IQCB1: variants seen among roughly 807,000 people sequenced by gnomAD.
IQCB1 encodes IQ calmodulin-binding motif-containing protein 1.
Under a neutral mutation model 84.4 loss-of-function variants are expected in IQCB1, and 56 were observed. The observed-to-expected ratio is 0.66, with a 90% CI of 0.54 to 0.83. The LOEUF (loss-of-function observed/expected upper bound fraction) is 0.83, where lower values mean the gene tolerates loss of function less well. Ranked by LOEUF, IQCB1 falls within the 40% of genes least tolerant of loss-of-function variation. The pLI is 0.00. For synonymous variants in IQCB1, 210 were observed against 234.8 expected, an observed-to-expected ratio of 0.89 and a Z score of 0.96; for missense variants, 629 against 682.1, an observed-to-expected ratio of 0.92 and a Z score of 0.87.
At chr3:121,819,987 T>C (rs1197999909) in intron 5 of IQCB1, among the ~76,000 whole-genome samples, 1 of 152,188 alleles carries the variant, frequency 6.6e-6, no homozygotes, top group Non-Finnish European at 1.5e-5. Flanking sequence ...ATTCTTGGTA[T>C]GTATTTAGAT....
intron 13 of IQCB1, among the ~76,000 whole-genome samples, chr3:121,773,023 G>A (rs116094962): frequency 0.01 from 1,586 of 152,224 alleles, 20 homozygotes; most frequent in African/African-American, 0.036. Flanking sequence ...AAATGGTTTC[G>A]TAAAGACACT....
chr3:121,779,089 A>T (rs566386866), intron 13 of IQCB1, among the ~76,000 whole-genome samples: 36 of 151,394 alleles, frequency 2.4e-4, no homozygotes, highest in African/African-American at 5.6e-4. Flanking sequence ...ATATATAAAA[A>T]TTTTTTTTTG....
chr3:121,783,911 T>C (rs1948604972), intron 12 of IQCB1, among the ~76,000 whole-genome samples: 1 of 152,226 alleles, frequency 6.6e-6, no homozygotes, highest in Non-Finnish European at 1.5e-5. Flanking sequence ...TCATTTTCCT[T>C]CAAATATGTG....
intron 7 of IQCB1, among the ~76,000 whole-genome samples, chr3:121,803,004 A>C (rs796275744): frequency 5.9e-5 from 9 of 152,300 alleles, no homozygotes; most frequent in African/African-American, 2.2e-4. Context: ...TTCCAACTTA[A>C]TTCCATCGAG....
In IQCB1 at chr3:121,809,158, T is replaced by C. The variant is rs1949726631; in HGVS notation, c.394-149A>G. The C allele has an allele frequency of 9.9e-6, 6 of 604,668 alleles. No individual in the cohort carries two copies. In the South Asian group the frequency reaches 1.2e-4, roughly 12 times the overall value. The allele number at this position is 604,668 out of a possible 1,614,324, so 37.5% of individuals were successfully genotyped here. ...AGGGACATGATTTTGTTGCCTTTAG[T>C]TTCTTAATTTGTAAAACTTGTGGTT... On this transcript the variant is annotated intron_variant, in intron 5 of 14. Transcript: ENST00000310864.
chr3:121,828,406 A>G, intron 4 of IQCB1, 64 bp downstream of exon 4: 2 of 1,411,386 alleles, frequency 1.4e-6, no homozygotes, highest in Non-Finnish European at 2.0e-6. Flanking sequence ...TAAAAAGCAA[A>G]TGTTGAAAAT....
intron 5 of IQCB1, among the ~76,000 whole-genome samples, chr3:121,818,208 G>A (rs1403990309): frequency 1.3e-5 from 2 of 152,170 alleles, no homozygotes; most frequent in Non-Finnish European, 2.9e-5. Context: ...AGGTAAAGGA[G>A]TTTCAGCCTT....
intron 13 of IQCB1, among the ~76,000 whole-genome samples, chr3:121,776,427 T>C (rs1466022814): frequency 3.3e-5 from 5 of 152,236 alleles, no homozygotes; most frequent in Non-Finnish European, 7.3e-5. Context: ...AAGAAACTGT[T>C]GAACTGTCTT....
At chr3:121,789,960 A>C in intron 11 of IQCB1, 113 bp downstream of exon 11, 2 of 895,990 alleles carry the variant, frequency 2.2e-6, no homozygotes, top group Admixed American at 1.9e-5. Context: ...AAAAACAGAG[A>C]AAAAGGACAA....
intron 14 of IQCB1, among the ~76,000 whole-genome samples, chr3:121,771,057 C>T (rs138230609): frequency 2.0e-5 from 3 of 152,250 alleles, no homozygotes; most frequent in East Asian, 1.9e-4. Context: ...CTGCAACCTC[C>T]GCCTCCTGGG....
chr3:121,807,322 C>T (rs1222183646), intron 7 of IQCB1, 22 bp downstream of exon 7: 2 of 1,190,400 alleles, frequency 1.7e-6, no homozygotes, highest in Non-Finnish European at 2.5e-6. Flanking sequence ...AAAGCAGTAA[C>T]ATTTTGTAAA....
intron 5 of IQCB1, among the ~76,000 whole-genome samples, chr3:121,815,791 T>A (rs1005919292): frequency 6.6e-6 from 1 of 151,926 alleles, no homozygotes. Context: ...ATTCCATGCT[T>A]ATGGATAGAA....
chr3:121,794,932 T>A (rs1949119262), intron 10 of IQCB1, among the ~76,000 whole-genome samples: 1 of 152,142 alleles, frequency 6.6e-6, no homozygotes, highest in Non-Finnish European at 1.5e-5. Context: ...TTTTTCTTGT[T>A]CTGTGACCTT....
intron 4 of IQCB1, 21 bp downstream of exon 4, chr3:121,828,449 T>G (rs1950527080): frequency 6.2e-7 from 1 of 1,602,332 alleles, no homozygotes; most frequent in Non-Finnish European, 8.6e-7. Flanking sequence ...CAAGAACAGC[T>G]GACTTACTGC....
intron 9 of IQCB1, among the ~76,000 whole-genome samples, chr3:121,796,891 G>A (rs1385834212): frequency 6.6e-6 from 1 of 151,972 alleles, no homozygotes; most frequent in African/African-American, 2.4e-5. Flanking sequence ...TGACCAGGCT[G>A]GGGTGCAGTG....
At position 121,772,265 on chromosome 3, in the gene IQCB1, G is replaced by C. The variant is rs9681209; in HGVS notation, c.1567+292C>G. Among the ~76,000 whole-genome samples, 41,851 of 152,060 alleles carry C rather than the reference G, an allele frequency of 0.28. 6,289 individuals are homozygous for C. Among genetic ancestry groups the C allele is most frequent in the Admixed American group, 0.44 (6,657 of 15,272 alleles). On this transcript the variant is annotated intron_variant, in intron 14 of 14. Coordinates refer to ENST00000310864, the MANE Select transcript of IQCB1 (RefSeq NM_001023570.4). ...ATCTACTTACAAAATATGACCAAAA[G>C]CTTTTCAGATTACTTAGTAAAAGAT...
chr3:121,770,554 C>A lies in IQCB1; in HGVS notation c.1588G>T (p.Ala530Ser). The A allele has an allele frequency of 1.2e-6, 2 of 1,613,668 alleles. No homozygotes were observed. Among genetic ancestry groups the A allele is most frequent in the Non-Finnish European group, 1.7e-6 (2 of 1,179,942 alleles). ...QLMKAPSLKE[A>S]EGKEPELFLS... ...AAGAGCTCAGGTTCTTTCCCTTCTG[C>A]CTCCTTCAGACTTGGTGCCTCTGTA... The change falls in exon 15 of 15, where the codon GCA becomes TCA. Residue 530 changes from alanine (A) to serine (S), a missense_variant. Transcript: ENST00000310864.
intron 2 of IQCB1, among the ~76,000 whole-genome samples, chr3:121,831,177 G>GT (rs1553723592): frequency 1.7e-5 from 1 of 59,864 alleles, no homozygotes; most frequent in African/African-American, 7.6e-5. Context: ...TTGTATCCTA[G>GT]TATTTTTTTT....
intron 6 of IQCB1, among the ~76,000 whole-genome samples, chr3:121,807,890 C>T (rs1400085902): frequency 6.6e-6 from 1 of 151,868 alleles, no homozygotes; most frequent in African/African-American, 2.4e-5. Context: ...AATGAATACG[C>T]TAACTACAAA....
Sources: allele counts gnomAD v4.1 joint callset (sites outside exome capture counted in the v4.1 genomes callset), GRCh38; gene constraint gnomAD v4.1.1; transcripts MANE v1.5; gene names NCBI Gene and HGNC (gene_info 2026-07-23, HGNC 2026-07-21).